Variants in TRPM2 observed in about 807,000 individuals in gnomAD.
TRPM2 encodes the protein estrogen-responsive element-associated gene 1 protein.
Under a neutral mutation model 174.0 loss-of-function variants are expected in TRPM2, and 161 were observed. The observed-to-expected ratio is 0.93, with a 90% CI of 0.81 to 1.05. The LOEUF is 1.05. Among genes scored for constraint, TRPM2 ranks in the 50% least tolerant of loss-of-function variants. TRPM2 has a pLI of 0.00. For synonymous variants in TRPM2, 954 were observed against 861.3 expected, an observed-to-expected ratio of 1.11 and a Z score of -1.88; for missense variants, 2,057 against 2,038.0, an observed-to-expected ratio of 1.01 and a Z score of -0.18.
intron 2 of TRPM2, among the ~76,000 whole-genome samples, chr21:44,357,069 T>C (rs2048081595): frequency 6.6e-6 from 1 of 152,226 alleles, no homozygotes; most frequent in Admixed American, 6.5e-5. Context: ...CTGTGTCTTC[T>C]GCTGACCTCT....
Position 44,417,943 on chromosome 21 carries a change from G to A in TRPM2, c.3163G>A (p.Val1055Met), listed in dbSNP as rs1427366866. The A allele has an allele frequency of 6.2e-7, 1 of 1,612,130 alleles. No homozygotes were observed. Among genetic ancestry groups the A allele is most frequent in the African/African-American group, 1.3e-5 (1 of 74,906 alleles). The part of the protein sequence containing the change: ...IAMFNYTFQQ[V>M]QEHTDQIWKF... Reference sequence around the variant, plus strand: ...CCCTGACAGCTACACCTTCCAGCAGGTGCAGGAGCACACGGACCAGATTTG... The same window carrying A: ...CCCTGACAGCTACACCTTCCAGCAGATGCAGGAGCACACGGACCAGATTTG... Residue 1055 changes from valine to methionine, a missense_variant, in exon 21 of 32, where the codon GTG (valine) becomes ATG (methionine). Transcript: ENST00000397928.
intron 20 of TRPM2, chr21:44,415,971 C>T (rs528807271): frequency 6.6e-5 from 10 of 152,226 alleles, no homozygotes; most frequent in South Asian, 2.1e-4. Flanking sequence ...CAGGAGGCCA[C>T]GCAGAATGAA....
chr21:44,370,814 G>T (rs960550413), intron 5 of TRPM2, among the ~76,000 whole-genome samples: 3 of 152,340 alleles, frequency 2.0e-5, no homozygotes. Context: ...GCCAGGAGCG[G>T]CTGGGTGACG....
chr21:44,375,138 G>C (rs1407726439), intron 5 of TRPM2, among the ~76,000 whole-genome samples: 3 of 152,154 alleles, frequency 2.0e-5, no homozygotes, highest in African/African-American at 2.4e-5. Flanking sequence ...TCGAACTCCA[G>C]GGCTCAGGTG....
In TRPM2 at chr21:44,354,081, T is replaced by C. The variant is rs1201745799; in HGVS notation, c.165+216T>C. The stretch of plus-strand genomic sequence containing the variant: ...TGACCATTTCCCATGGTTGGTCTGA[T>C]TGGGAAATCACCGGGTTAACTCAAA... On this transcript the variant is annotated intron_variant, in intron 1 of 31. Coordinates refer to ENST00000397928, the MANE Select transcript of TRPM2 (RefSeq NM_003307.4). The surrounding 1 kb of genome is among the most constrained non-coding windows in gnomAD (Gnocchi z 4.3). 2.6e-5 allele frequency among the ~76,000 whole-genome samples: 4 copies of C among 152,202 alleles called. No homozygotes were observed. The highest frequency in any genetic ancestry group is 1.9e-4 in the East Asian group (1 of 5,204).
intron 6 of TRPM2, among the ~76,000 whole-genome samples, chr21:44,377,460 G>C (rs994126860): frequency 1.3e-5 from 2 of 152,208 alleles, no homozygotes; most frequent in Non-Finnish European, 2.9e-5. Flanking sequence ...ATGTGGAACA[G>C]GCAGGTCCCC....
chr21:44,371,779 G>C (rs141258224), intron 5 of TRPM2, among the ~76,000 whole-genome samples: 1 of 152,160 alleles, frequency 6.6e-6, no homozygotes, highest in African/African-American at 2.4e-5. Flanking sequence ...AGCCAACTGC[G>C]GTCCTCCCTC....
At position 44,369,172 on chromosome 21, in the gene TRPM2, C is replaced by T. The variant is rs758685133; in HGVS notation, c.605-5C>T. The stretch of plus-strand genomic sequence containing the variant: ...GGGGCCTGCCCACCCGTGCTCCTTC[C>T]CCAGGGGCCTGGATCATCACAGGGG... On this transcript the variant is annotated splice_polypyrimidine_tract_variant and splice_region_variant and intron_variant, in intron 4 of 31. Coordinates refer to ENST00000397928, the MANE Select transcript of TRPM2 (RefSeq NM_003307.4). 2 of 1,600,002 alleles carry T rather than the reference C, an allele frequency of 1.3e-6. No individual in the cohort carries two copies. The highest frequency in any genetic ancestry group is 1.7e-5 in the Admixed American group (1 of 58,600).
chr21:44,394,317 CTTT>C (rs35448660), intron 11 of TRPM2, among the ~76,000 whole-genome samples: 5 of 112,656 alleles, frequency 4.4e-5, no homozygotes, highest in Admixed American at 1.8e-4. Flanking sequence ...AAACACATTT[CTTT>C]TTTTTTTTTT....
chr21:44,421,480 A>G (rs2050548932), intron 22 of TRPM2, among the ~76,000 whole-genome samples: 1 of 152,010 alleles, frequency 6.6e-6, no homozygotes, highest in African/African-American at 2.4e-5. Flanking sequence ...ACTAAAATAT[A>G]ACTTTGCAGG....
chr21:44,373,053 G>T (rs1436468802), intron 5 of TRPM2, among the ~76,000 whole-genome samples: 1 of 152,118 alleles, frequency 6.6e-6, no homozygotes, highest in Non-Finnish European at 1.5e-5. Context: ...GACAAAAAGG[G>T]CTCTGCAGAC....
In TRPM2 at chr21:44,361,645, G is replaced by GT. The variant is rs113631127; in HGVS notation, c.255-2459dup. Among the ~76,000 whole-genome samples the GT allele has an allele frequency of 6.7e-3, 965 of 144,698 alleles. 5 individuals are homozygous for GT. Among genetic ancestry groups the GT allele is most frequent in the Middle Eastern group, 0.014 (4 of 276 alleles). 94.9% of individuals were successfully genotyped at this position (144,698 alleles called of 152,430 possible). A position where few individuals can be genotyped will look rare whatever the true frequency, so the allele number is the denominator to read the frequency against. On this transcript the variant is annotated intron_variant, in intron 2 of 31. Transcript: ENST00000397928. ...ATTTTTTGTTTTCTGTTTGTTCTGT[G>GT]TTTTTTTTTTGCCTTCTTGTGGGTT...
chr21:44,405,809 A>C, intron 17 of TRPM2, 96 bp from the exon 18 acceptor site: 2 of 1,485,292 alleles, frequency 1.3e-6, no homozygotes, highest in Non-Finnish European at 1.8e-6. Context: ...TCCAGGGCCC[A>C]CCTGGGCTAG....
intron 20 of TRPM2, among the ~76,000 whole-genome samples, chr21:44,417,505 C>T (rs1227270500): frequency 3.1e-5 from 3 of 95,496 alleles, no homozygotes; most frequent in Non-Finnish European, 6.1e-5. Context: ...GGCACGTGGG[C>T]GTGGCTCTGC....
At chr21:44,419,564 G>GTGGTTGTGCTGGTAA (rs2050439307) in intron 22 of TRPM2, among the ~76,000 whole-genome samples, 1 of 130 alleles carries the variant, frequency 7.7e-3, no homozygotes, top group Non-Finnish European at 0.014. Context: ...GATGGTGATG[G>GTGGTTGTGCTGGTAA]TGGTGGTGGT....
intron 9 of TRPM2, among the ~76,000 whole-genome samples, chr21:44,389,796 C>T (rs905378781): frequency 6.6e-6 from 1 of 151,916 alleles, no homozygotes; most frequent in Admixed American, 6.6e-5. Flanking sequence ...AATCGTTCGT[C>T]AGATATTATT....
chr21:44,424,448 G>A (rs889409938), intron 23 of TRPM2, among the ~76,000 whole-genome samples: 1 of 152,240 alleles, frequency 6.6e-6, no homozygotes. Context: ...TCAGCCTCTG[G>A]GGAGGCTCCT....
chr21:44,437,305 C>T (rs142402950), intron 29 of TRPM2, 138 bp downstream of exon 29: 18 of 717,136 alleles, frequency 2.5e-5, no homozygotes, highest in Admixed American at 7.3e-5. Flanking sequence ...TTCGAGACCC[C>T]GCCTGTTTTG....
rs543082580 is a variant in TRPM2 at position 44,365,895 on chromosome 21, G to A, written c.424-859G>A. Among the ~76,000 whole-genome samples, 3 of 152,352 alleles carry A rather than the reference G, an allele frequency of 2.0e-5. No individual in the cohort carries two copies. The South Asian group carries it at 6.2e-4, about 32-fold the overall frequency. ...GCCTGGTGGACCCGGTGGGACCCAC[G>A]TTCTGATGGTGACAGGCACTGTGCT... is the stretch of plus-strand genomic sequence containing the variant. On this transcript the variant is annotated intron_variant, in intron 3 of 31. Coordinates refer to ENST00000397928, the MANE Select transcript of TRPM2 (RefSeq NM_003307.4).
Sources: gnomAD v4.1 joint callset for allele counts (sites outside exome capture counted in the v4.1 genomes callset) on GRCh38, gnomAD v4.1.1 for gene constraint, Gnocchi (gnomAD v3.1) non-coding constraint, MANE v1.5 for transcripts, NCBI Gene and HGNC (gene_info 2026-07-23, HGNC 2026-07-21) for gene names.